The following SETD1A variants were observed in gnomAD, a reference collection of about 807,000 sequenced individuals.
The protein encoded by SETD1A is histone-lysine N-methyltransferase SETD1A.
Under a neutral mutation model 149.9 loss-of-function variants are expected in SETD1A, and 29 were observed. The observed-to-expected ratio is 0.19, with a 90% CI of 0.14 to 0.26. SETD1A has a LOEUF of 0.26. SETD1A is among the 10% of genes least tolerant of loss of function. The probability of loss-of-function intolerance (pLI) is 1.00; values close to 1 mark genes in which losing one functional copy is unlikely to be tolerated. For synonymous variants in SETD1A, 1,141 were observed against 968.5 expected (o/e 1.18, Z -3.31); for missense variants, 2,109 against 2,353.1 (o/e 0.90, Z 2.15).
At position 30,966,879 on chromosome 16, in the gene SETD1A, T is replaced by C; in HGVS notation, c.2506-5T>C. 6.4e-7 allele frequency: 1 copy of C among 1,550,594 alleles called. No homozygotes were observed. Among genetic ancestry groups the C allele is most frequent in the Non-Finnish European group, 8.7e-7 (1 of 1,147,038 alleles). On this transcript the variant is annotated splice_polypyrimidine_tract_variant and splice_region_variant and intron_variant, in intron 8 of 18. Coordinates refer to ENST00000262519, the MANE Select transcript of SETD1A (RefSeq NM_014712.3). ...GCTGGGGCTCAGCCCCACTGCTGCCTGCAGCCATTCCAGAACGCGGCCAAG... is the reference window on the plus strand; with the variant it reads ...GCTGGGGCTCAGCCCCACTGCTGCCCGCAGCCATTCCAGAACGCGGCCAAG...
rs368150517 is a variant in SETD1A at position 30,965,571 on chromosome 16, G to A, written c.1720-30G>A. 29 of 1,607,216 alleles carry A rather than the reference G, an allele frequency of 1.8e-5. No individual in the cohort carries two copies. In the African/African-American group the frequency reaches 3.7e-4, roughly 21 times the overall value. On this transcript the variant is annotated intron_variant, in intron 7 of 18. Coordinates refer to ENST00000262519, the MANE Select transcript of SETD1A (RefSeq NM_014712.3). ...AAAGTAGGGCTTGGGTCAGGCAGAA[G>A]CCTTCTGTGACCCTCTTCTGCCCCC...
Position 30,980,046 on chromosome 16 carries a change from G to A in SETD1A, c.4260G>A (p.Glu1420=), listed in dbSNP as rs1299501558. The A allele has an allele frequency of 6.2e-7, 1 of 1,607,894 alleles. No individual in the cohort carries two copies. Among genetic ancestry groups the A allele is most frequent in the Admixed American group, 1.7e-5 (1 of 59,734 alleles). Residue 1420 remains glutamate, a synonymous_variant, in exon 14 of 19, where the codon GAG becomes GAA. Coordinates refer to ENST00000262519, the MANE Select transcript of SETD1A (RefSeq NM_014712.3). The surrounding 1 kb of genome is among the most constrained non-coding windows in gnomAD (Gnocchi z 7.7). The stretch of plus-strand genomic sequence containing the variant: ...CCCGCGCCTACGAGCCACGCAGTGA[G>A]TTTGAACAGATGACCATCCTGTATG... The part of the protein sequence containing the change: ...PPPRAYEPRS[E]FEQMTILYDI...
rs1304934408 is a variant in SETD1A, at chr16:30,979,983, GCGC to G, written c.4205_4207del (p.Arg1402del). 3.2e-5 allele frequency: 48 copies of G among 1,509,140 alleles called. No individual in the cohort carries two copies. The highest frequency in any genetic ancestry group is 4.0e-5 in the Non-Finnish European group (45 of 1,133,472). 93.5% of individuals were successfully genotyped at this position (1,509,140 alleles called of 1,614,324 possible). A position where few individuals can be genotyped will look rare whatever the true frequency, so the allele number is the denominator to read the frequency against. On this transcript the variant is annotated inframe_deletion, in exon 14 of 19. Coordinates refer to ENST00000262519, the MANE Select transcript of SETD1A (RefSeq NM_014712.3). ...GGCGCAGCCTCCGCTCCCACGCCCGGCGCCGCCGCCCTCCGCCCCCACCCCCGC... is the reference window on the plus strand; with the variant it reads ...GGCGCAGCCTCCGCTCCCACGCCCGGCGCCGCCCTCCGCCCCCACCCCCGC...
At position 30,979,342 on chromosome 16, in the gene SETD1A, C is replaced by G; in HGVS notation, c.3556C>G (p.Pro1186Ala). The change falls in exon 14 of 19, where the codon CCG becomes GCG. Residue 1186 changes from proline to alanine, a missense_variant. Physicochemically the swap from Pro to Ala is conservative, Grantham distance 27. Coordinates refer to ENST00000262519, the MANE Select transcript of SETD1A (RefSeq NM_014712.3). ...AGCCCCGGAGCCCCCTCCAGCCACA[C>G]CGCCGCAGGCCAAGTTTCCCGGCCC... ...VPAPEPPPAT[P>A]PQAKFPGPAS... 1 of 1,613,250 alleles carries G rather than the reference C, an allele frequency of 6.2e-7. No individual in the cohort carries two copies.
chr16:30,964,468 C>T (rs1314765726), intron 6 of SETD1A, 144 bp from the exon 7 acceptor site: 4 of 1,428,882 alleles, frequency 2.8e-6, no homozygotes, highest in Non-Finnish European at 2.9e-6. Flanking sequence ...AATTGCTGTC[C>T]TCGGGGAACA....
At chr16:30,959,794 C>A (rs1258740639) in intron 3 of SETD1A, among the ~76,000 whole-genome samples, 1 of 149,122 alleles carries the variant, frequency 6.7e-6, no homozygotes, top group Non-Finnish European at 1.5e-5. Flanking sequence ...TGGACAATCT[C>A]TTTCACACCC....
In SETD1A at chr16:30,971,496, C is replaced by T. The variant is rs549851105; in HGVS notation, c.3135C>T (p.Ser1045=). The T allele has an allele frequency of 6.2e-7, 1 of 1,614,048 alleles. No homozygotes were observed. The highest frequency in any genetic ancestry group is 8.5e-7 in the Non-Finnish European group (1 of 1,179,996). The change falls in exon 13 of 19, where the codon TCC becomes TCT. Residue 1045 remains serine (S), a synonymous_variant. Transcript: ENST00000262519. ...GCTCTTCCAGCTCCTCATCCTCCTC[C>T]TCCTCCTCGTCCTCATCCTCCTCGT... is the stretch of plus-strand genomic sequence containing the variant. ...SSSSSSSSSS[S]SSSSSSSSSS...
chr16:30,976,383 G>A (rs888816344), intron 13 of SETD1A, among the ~76,000 whole-genome samples: 1 of 152,094 alleles, frequency 6.6e-6, no homozygotes, highest in Non-Finnish European at 1.5e-5. Context: ...CAAGCCTCTC[G>A]CCTGGGCCTC....
rs528393685 is a variant in SETD1A, at chr16:30,980,310, C to T, written c.4408+116C>T. 6 of 1,440,920 alleles carry T rather than the reference C, an allele frequency of 4.2e-6. No homozygotes were observed. The South Asian group carries it at 5.7e-5, about 14-fold the overall frequency. 89.3% of individuals were successfully genotyped at this position (1,440,920 alleles called of 1,614,324 possible). On this transcript the variant is annotated intron_variant, in intron 14 of 18. Transcript: ENST00000262519. This position sits in a 1 kb window ranked among gnomAD's most constrained non-coding sequence, Gnocchi z 7.7. The stretch of plus-strand genomic sequence containing the variant: ...CCTCTGGCTCCAAGCCATCTTTTCT[C>T]TCCTCCTGGTGCCTCTTTTCTGCCT...
At position 30,979,940 on chromosome 16, in the gene SETD1A, G is replaced by A; in HGVS notation, c.4154G>A (p.Gly1385Glu). ...TCTGACAGCAGCAGCAGCAGCGATG[G>A]GGAGGGCGCCCTCCGGAGGCGCAGC... ...ESSDSSSSSD[G>E]EGALRRRSLR... is the part of the protein sequence containing the mutation. Residue 1385 changes from glycine to glutamate, a missense_variant, in exon 14 of 19, where the codon GGG becomes GAG. Physicochemically the swap from Gly to Glu is moderately conservative, Grantham distance 98. Coordinates refer to ENST00000262519, the MANE Select transcript of SETD1A (RefSeq NM_014712.3). The A allele has an allele frequency of 6.5e-7, 1 of 1,533,928 alleles. No individual in the cohort carries two copies. The highest frequency in any genetic ancestry group is 8.7e-7 in the Non-Finnish European group (1 of 1,144,814).
Position 30,966,214 on chromosome 16 carries a change from A to G in SETD1A, c.2333A>G (p.Glu778Gly), listed in dbSNP as rs1276295382. The change falls in exon 8 of 19, where the codon GAG becomes GGG. Residue 778 changes from glutamate (E) to glycine (G), a missense_variant. Physicochemically the swap from Glu to Gly is moderately conservative, Grantham distance 98 (BLOSUM62 -2). Around this residue, in one of 8 missense-constraint regions of SETD1A, gnomAD observed 431 missense variants for 388.6 expected, o/e 1.11. Coordinates refer to ENST00000262519, the MANE Select transcript of SETD1A (RefSeq NM_014712.3). Reference sequence around the variant, plus strand: ...CGGCTGCCACCCAGGGAAGAAGCAGAGCTGGCAGAGGGCAAGACCCTCCCG... The same window carrying G: ...CGGCTGCCACCCAGGGAAGAAGCAGGGCTGGCAGAGGGCAAGACCCTCCCG... ...EARLPPREEAELAEGKTLPTA... is the reference protein window; with the variant it reads ...EARLPPREEAGLAEGKTLPTA... The G allele has an allele frequency of 6.2e-7, 1 of 1,613,486 alleles. No homozygotes were observed. Among genetic ancestry groups the G allele is most frequent in the Non-Finnish European group, 8.5e-7 (1 of 1,179,912 alleles).
chr16:30,960,808 T>G (rs2056042829), intron 3 of SETD1A, among the ~76,000 whole-genome samples: 2 of 146,220 alleles, frequency 1.4e-5, no homozygotes, highest in Non-Finnish European at 3.0e-5. Context: ...TGATCTCGGC[T>G]TAGTGCAACC....
At chr16:30,958,344 G>A (rs1302393107) in intron 1 of SETD1A, 1 of 180,808 alleles carries the variant, frequency 5.5e-6, no homozygotes, top group African/African-American at 2.4e-5. Flanking sequence ...GAGAGCGGGT[G>A]TGTGGGAGCC....
In SETD1A at chr16:30,979,993, C is replaced by CCCAA; in HGVS notation, c.4208_4209insCAAC (p.Pro1404AsnfsTer18). 1 of 1,489,198 alleles carries CCCAA rather than the reference C, an allele frequency of 6.7e-7. No homozygotes were observed. Among genetic ancestry groups the CCCAA allele is most frequent in the Non-Finnish European group, 8.9e-7 (1 of 1,124,026 alleles). 92.2% of individuals were successfully genotyped at this position (1,489,198 alleles called of 1,614,324 possible). ...CCGCTCCCACGCCCGGCGCCGCCGCCCTCCGCCCCCACCCCCGCCGCCACC... is the reference window on the plus strand; with the variant it reads ...CCGCTCCCACGCCCGGCGCCGCCGCCCCAACTCCGCCCCCACCCCCGCCGCCACC... On this transcript the variant is annotated frameshift_variant, in exon 14 of 19. Coordinates refer to ENST00000262519, the MANE Select transcript of SETD1A (RefSeq NM_014712.3). LOFTEE classifies it high-confidence loss of function.
At chr16:30,963,673 A>T in intron 5 of SETD1A, 119 bp downstream of exon 5, 1 of 1,119,860 alleles carries the variant, frequency 8.9e-7, no homozygotes, top group Non-Finnish European at 1.2e-6. Flanking sequence ...AGAGCCAAGC[A>T]AAGCTGCTGA....
chr16:30,964,311 C>T lies in SETD1A; in HGVS notation c.857C>T (p.Ala286Val), dbSNP rs1448771173. 6.2e-7 allele frequency: 1 copy of T among 1,613,076 alleles called. No homozygotes were observed. The highest frequency in any genetic ancestry group is 2.2e-5 in the East Asian group (1 of 44,892). The change falls in exon 6 of 19, where the codon GCC becomes GTC. Residue 286 changes from alanine to valine, a missense_variant. By Grantham distance (64) the Ala-to-Val change is moderately conservative. This residue lies in a region of SETD1A where 410 missense variants were observed against 394.8 expected (regional missense o/e 1.04). Transcript: ENST00000262519. ...RGSTPYSQDS[A>V]YSSSTTSTSF... ...AGCACCCCCTACTCTCAGGACTCTG[C>T]CTACTCCAGCAGGTACAGAGCAGAC...
chr16:30,963,326 A>C (rs1243248482), intron 4 of SETD1A, 107 bp from the exon 5 acceptor site: 1 of 1,117,914 alleles, frequency 8.9e-7, no homozygotes, highest in Admixed American at 2.8e-5. Flanking sequence ...TGAAACCCAG[A>C]TTCCAAGAAA....
At position 30,966,967 on chromosome 16, in the gene SETD1A, C is replaced by T. The variant is rs1030911504; in HGVS notation, c.2589C>T (p.Leu863=). ...TGAAGGAGCCTGGCCTGCTGTCCCT[C>T]GTGGACTGGGCCAAGAGCGGGGGCA... The part of the protein sequence containing the change: ...TKLKEPGLLS[L]VDWAKSGGTT... The change falls in exon 9 of 19, where the codon CTC becomes CTT. Residue 863 remains leucine (L), a synonymous_variant. Coordinates refer to ENST00000262519, the MANE Select transcript of SETD1A (RefSeq NM_014712.3). 24 of 1,588,554 alleles carry T rather than the reference C, an allele frequency of 1.5e-5. No homozygotes were observed. Among genetic ancestry groups the T allele is most frequent in the East Asian group, 6.8e-5 (3 of 43,912 alleles).
chr16:30,962,067 T>A (rs2056060212), intron 4 of SETD1A, among the ~76,000 whole-genome samples: 1 of 147,198 alleles, frequency 6.8e-6, no homozygotes, highest in South Asian at 2.1e-4. Context: ...GTTTTTAATT[T>A]TTTTTTTTTT....
Sources: allele counts gnomAD v4.1 joint callset (sites outside exome capture counted in the v4.1 genomes callset), GRCh38; gene constraint gnomAD v4.1.1; regional missense constraint gnomAD v4.1.1; non-coding constraint Gnocchi (gnomAD v3.1); transcripts MANE v1.5; gene names NCBI Gene and HGNC (gene_info 2026-07-23, HGNC 2026-07-21).